RIMS2: variants seen among roughly 807,000 people sequenced by gnomAD.
The protein encoded by RIMS2 is regulating synaptic membrane exocytosis 2.
In RIMS2, 59 loss-of-function variants were observed where a neutral mutation model predicts 174.4. That is an observed-to-expected ratio of 0.34 (90% CI 0.27 to 0.42). The LOEUF is 0.42. RIMS2 is among the 10% of genes least tolerant of loss of function. RIMS2 has a pLI of 1.00. For missense variants in RIMS2, 1,620 were observed against 1,666.3 expected (o/e 0.97, Z 0.48); for synonymous variants, 606 against 572.5 (o/e 1.06, Z -0.84).
chr8:104,117,851 T>C (rs1422612315), intron 19 of RIMS2, among the ~76,000 whole-genome samples: 4 of 152,222 alleles, frequency 2.6e-5, no homozygotes, highest in Non-Finnish European at 5.9e-5. Context: ...AAAATGTAGT[T>C]GTCCTTGGGC....
intron 17 of RIMS2, among the ~76,000 whole-genome samples, chr8:103,995,163 C>CT (rs1565742825): frequency 6.6e-6 from 1 of 151,934 alleles, no homozygotes; most frequent in Non-Finnish European, 1.5e-5. Flanking sequence ...AACCACTGCT[C>CT]TTTTTTGAGA....
At chr8:104,214,740 C>A (rs6982683) in intron 19 of RIMS2, among the ~76,000 whole-genome samples, 1 of 152,028 alleles carries the variant, frequency 6.6e-6, no homozygotes, top group Non-Finnish European at 1.5e-5. Context: ...TCGCCAGGCC[C>A]GAGAGACATC....
chr8:103,893,461 C>A (rs952221291), intron 4 of RIMS2, among the ~76,000 whole-genome samples: 9 of 152,052 alleles, frequency 5.9e-5, no homozygotes, highest in Admixed American at 3.9e-4. Flanking sequence ...ACTTTTACTG[C>A]ATGTGGGAGA....
chr8:103,606,428 G>T (rs1389985523), intron 1 of RIMS2, among the ~76,000 whole-genome samples: 1 of 151,886 alleles, frequency 6.6e-6, no homozygotes, highest in Non-Finnish European at 1.5e-5. Flanking sequence ...CAAGTATGTG[G>T]TCAATTTTGG....
chr8:103,679,448 C>T (rs148748954), intron 1 of RIMS2, among the ~76,000 whole-genome samples: 2 of 152,006 alleles, frequency 1.3e-5, no homozygotes, highest in East Asian at 3.9e-4. Context: ...AGTAAACAAA[C>T]TTTTTAAAAG....
At chr8:103,931,228 G>A in intron 11 of RIMS2, 35 bp from the exon 14 acceptor site, 1 of 1,515,760 alleles carries the variant, frequency 6.6e-7, no homozygotes, top group Non-Finnish European at 9.0e-7. Context: ...TGTAGTAAAT[G>A]TTTGAATTGA....
At chr8:103,975,192 T>A (rs2093310753) in intron 15 of RIMS2, among the ~76,000 whole-genome samples, 158 bp from the exon 18 acceptor site, 1 of 152,206 alleles carries the variant, frequency 6.6e-6, no homozygotes, top group Non-Finnish European at 1.5e-5. Context: ...TTTCATAAAA[T>A]ATTTTGTCTT....
downstream of RIMS2, chr8:104,255,251 C>T (rs1034462589): frequency 1.3e-5 from 2 of 149,990 alleles, no homozygotes; most frequent in African/African-American, 2.5e-5. Context: ...GTTGTTCATT[C>T]CTGTTCTTTG....
intron 1 of RIMS2, among the ~76,000 whole-genome samples, chr8:103,623,860 G>C (rs1461624749): frequency 6.6e-6 from 1 of 151,750 alleles, no homozygotes; most frequent in Non-Finnish European, 1.5e-5. Context: ...TCTGCCTCTA[G>C]GGAGATCTAT....
intron 20 of RIMS2, among the ~76,000 whole-genome samples, chr8:104,245,825 T>C (rs935743210): frequency 5.3e-5 from 8 of 152,334 alleles, no homozygotes; most frequent in South Asian, 2.1e-4. Flanking sequence ...GCATGAATGG[T>C]ATGTCTCAGG....
At chr8:103,542,703 A>G (rs1319366360) in intron 1 of RIMS2, among the ~76,000 whole-genome samples, 1 of 152,340 alleles carries the variant, frequency 6.6e-6, no homozygotes, top group East Asian at 1.9e-4. Flanking sequence ...CCTAGGATGC[A>G]AGGATAGTTC....
At chr8:104,165,187 C>T (rs926229616) in intron 19 of RIMS2, among the ~76,000 whole-genome samples, 6 of 152,204 alleles carry the variant, frequency 3.9e-5, no homozygotes, top group East Asian at 1.9e-4. Context: ...CACTAACTGT[C>T]GAATCTTTTT....
intron 3 of RIMS2, among the ~76,000 whole-genome samples, chr8:103,863,758 G>T (rs376124974): frequency 6.6e-6 from 1 of 151,706 alleles, no homozygotes; most frequent in Non-Finnish European, 1.5e-5. Flanking sequence ...GATCTTTTCT[G>T]TTTCTTTAGT....
At chr8:103,981,935 T>C (rs1371823201) in intron 16 of RIMS2, among the ~76,000 whole-genome samples, 1 of 151,990 alleles carries the variant, frequency 6.6e-6, no homozygotes, top group Non-Finnish European at 1.5e-5. Flanking sequence ...TTAAGATAGA[T>C]AGAAAACAAT....
chr8:103,877,065 G>A (rs1055618927), intron 3 of RIMS2, among the ~76,000 whole-genome samples: 2 of 150,694 alleles, frequency 1.3e-5, no homozygotes, highest in East Asian at 2.0e-4. Flanking sequence ...TTTCCCTTGG[G>A]TAGATACCCA....
chr8:103,612,258 ATGTC>A (rs2134239503), intron 1 of RIMS2, among the ~76,000 whole-genome samples: 1 of 152,096 alleles, frequency 6.6e-6, no homozygotes, highest in African/African-American at 2.4e-5. Context: ...GACAGGTCAC[ATGTC>A]TCTCTATTTT....
At chr8:104,030,622 T>C (rs890469819) in intron 19 of RIMS2, among the ~76,000 whole-genome samples, 6 of 152,162 alleles carry the variant, frequency 3.9e-5, no homozygotes, top group Non-Finnish European at 8.8e-5. Flanking sequence ...TTCTGGAACA[T>C]ATCAGACATG....
intron 3 of RIMS2, among the ~76,000 whole-genome samples, chr8:103,843,319 C>T (rs2098951014): frequency 6.6e-6 from 1 of 152,142 alleles, no homozygotes; most frequent in Admixed American, 6.5e-5. Flanking sequence ...CTATCTTGCC[C>T]TTGTTGGATT....
intron 19 of RIMS2, among the ~76,000 whole-genome samples, chr8:104,060,251 T>C (rs2096957465): frequency 1.3e-5 from 2 of 150,970 alleles, no homozygotes; most frequent in Admixed American, 6.6e-5. Flanking sequence ...TTTCAGAGCC[T>C]GTTATTGGTC....
Sources: gnomAD v4.1 joint callset for allele counts (sites outside exome capture counted in the v4.1 genomes callset) on GRCh38, gnomAD v4.1.1 for gene constraint, MANE v1.5 for transcripts, NCBI Gene and HGNC (gene_info 2026-07-23, HGNC 2026-07-21) for gene names.